DDB1: variants seen among roughly 807,000 people sequenced by gnomAD.
The protein encoded by DDB1 is DNA damage-binding protein 1.
A neutral mutation model predicts 133.1 loss-of-function variants in DDB1; 18 were observed. The ratio of observed to expected loss-of-function variants is 0.14; its 90% CI spans 0.09 to 0.20. The LOEUF (loss-of-function observed/expected upper bound fraction) is 0.20, where lower values mean the gene tolerates loss of function less well. Ranked by LOEUF, DDB1 falls within the 10% of genes least tolerant of loss-of-function variation. DDB1 has a pLI of 1.00. For synonymous variants in DDB1, 580 were observed against 550.5 expected (o/e 1.05, Z -0.75); for missense variants, 828 against 1,459.2 (o/e 0.57, Z 7.05).
intron 26 of DDB1, 121 bp from the exon 27 acceptor site, chr11:61,300,340 C>T (rs1192101863): frequency 1.9e-6 from 2 of 1,058,674 alleles, no homozygotes; most frequent in Non-Finnish European, 2.8e-6. Flanking sequence ...AGAGGAAGGA[C>T]TCACCAGAAA....
intron 18 of DDB1, 21 bp downstream of exon 18, chr11:61,311,761 CTT>C (rs765750573): frequency 1.9e-6 from 3 of 1,597,368 alleles, no homozygotes; most frequent in Non-Finnish European, 2.6e-6. Flanking sequence ...CTAAGGTCAT[CTT>C]TCTTTGTCCA....
In DDB1 at chr11:61,316,946, GATATATATATATATATATATATAT is replaced by G. The variant is rs58564398; in HGVS notation, c.1226-403_1226-380del. 9.4e-3 allele frequency among the ~76,000 whole-genome samples: 274 copies of G among 29,070 alleles called. 20 individuals carry two copies. The highest frequency in any genetic ancestry group is 0.05 in the Admixed American group (110 of 2,180). The allele number at this position is 29,070 out of a possible 152,430, so 19.1% of individuals were successfully genotyped here. A position where few individuals can be genotyped will look rare whatever the true frequency, so the allele number is the denominator to read the frequency against. On this transcript the variant is annotated intron_variant, in intron 10 of 26. Transcript: ENST00000301764. ...AAAAAAAAAAAAAAAAAAAAGGATA[GATATATATATATATATATATATAT>G]ATATATATATATATATATATATATA...
chr11:61,329,314 C>T (rs771141931), intron 4 of DDB1, 49 bp downstream of exon 4: 3 of 1,573,348 alleles, frequency 1.9e-6, no homozygotes, highest in Non-Finnish European at 2.6e-6. Context: ...AAAACAACTC[C>T]TATCACATCA....
At chr11:61,302,877 A>C (rs1855824307) in intron 23 of DDB1, 126 bp from the exon 24 acceptor site, 1 of 1,361,464 alleles carries the variant, frequency 7.3e-7, no homozygotes, top group South Asian at 1.3e-5. Context: ...ACAGTAGGGG[A>C]GCCAGTCTAA....
Position 61,304,014 on chromosome 11 carries a change from T to C in DDB1, c.2683A>G (p.Thr895Ala), listed in dbSNP as rs765613377. The change falls in exon 22 of 27, where the codon ACA becomes GCA. Residue 895 changes from threonine to alanine, a missense_variant. Physicochemically the swap from Thr to Ala is moderately conservative, Grantham distance 58 (BLOSUM62 0). Around this residue, in one of 7 missense-constraint regions of DDB1, gnomAD observed 36 missense variants for 139.9 expected, o/e 0.26. Transcript: ENST00000301764. ...NSTVRLYEWT[T>A]EKELRTECNH... ...CACTCAGTGCGCAGCTCCTTCTCTG[T>C]TGTCCACTCATAGAGCCGCACCTGG... 2.5e-6 allele frequency: 4 copies of C among 1,614,060 alleles called. No individual in the cohort carries two copies. Among genetic ancestry groups the C allele is most frequent in the South Asian group, 1.1e-5 (1 of 91,070 alleles).
chr11:61,328,106 G>A (rs559720677), intron 4 of DDB1, among the ~76,000 whole-genome samples: 38 of 152,178 alleles, frequency 2.5e-4, no homozygotes, highest in African/African-American at 8.7e-4. Flanking sequence ...AACCAGCCTT[G>A]AATAATCAAC....
chr11:61,322,243 G>C, intron 9 of DDB1, 53 bp downstream of exon 9: 1 of 1,381,792 alleles, frequency 7.2e-7, no homozygotes, highest in Non-Finnish European at 1.0e-6. Context: ...TAGCTAGGAG[G>C]ACACAGTTTG....
chr11:61,333,070 T>G lies in DDB1; in HGVS notation c.-102A>C. 2 of 1,101,582 alleles carry G rather than the reference T, an allele frequency of 1.8e-6. No individual in the cohort carries two copies. Among genetic ancestry groups the G allele is most frequent in the African/African-American group, 1.6e-5 (1 of 60,674 alleles). 68.2% of individuals were successfully genotyped at this position (1,101,582 alleles called of 1,614,324 possible). ...CCCAACAGCGCGCAGCGAACTCCAC[T>G]GCCGCTGCCTCCGCCCCAGAGACAC... On this transcript the variant is annotated 5_prime_UTR_variant, in exon 1 of 27. Transcript: ENST00000301764.
Position 61,309,786 on chromosome 11 carries a change from GC to G in DDB1, c.2566+9del. The G allele has an allele frequency of 1.2e-6, 2 of 1,607,766 alleles. No individual in the cohort carries two copies. Among genetic ancestry groups the G allele is most frequent in the Non-Finnish European group, 1.7e-6 (2 of 1,176,220 alleles). ...ACATCCCTCAGAAACTGGAGACTGC[GC>G]CCACTTACCATCCGAATACTGAAAG... On this transcript the variant is annotated intron_variant, in intron 20 of 26. Transcript: ENST00000301764.
At chr11:61,330,845 G>A (rs546743072) in intron 2 of DDB1, among the ~76,000 whole-genome samples, 1 of 152,168 alleles carries the variant, frequency 6.6e-6, no homozygotes, top group South Asian at 2.1e-4. Flanking sequence ...TAGTAGAGAT[G>A]GGGTTTCACC....
Position 61,316,969 on chromosome 11 carries a change from A to ACG in DDB1, c.1226-403_1226-402insCG, listed in dbSNP as rs1402669543. Reference sequence around the variant, plus strand: ...TAGATATATATATATATATATATATATATATATATATATATATATATATAT... The same window carrying ACG: ...TAGATATATATATATATATATATATACGTATATATATATATATATATATATAT... On this transcript the variant is annotated intron_variant, in intron 10 of 26. Transcript: ENST00000301764. 9.5e-5 allele frequency among the ~76,000 whole-genome samples: 5 copies of ACG among 52,680 alleles called. 1 individual carries two copies. Among genetic ancestry groups the ACG allele is most frequent in the African/African-American group, 2.8e-4 (5 of 18,002 alleles). The allele number at this position is 52,680 out of a possible 152,430, so 34.6% of individuals were successfully genotyped here.
intron 16 of DDB1, among the ~76,000 whole-genome samples, chr11:61,312,421 C>CG (rs1191358060): frequency 6.6e-6 from 1 of 152,014 alleles, no homozygotes; most frequent in Admixed American, 6.6e-5. Context: ...GTCTGCTGGG[C>CG]CCCCTCCCAG....
rs1320387549 is a variant in DDB1, at chr11:61,324,014, T to C, written c.886A>G (p.Thr296Ala). 6.2e-7 allele frequency: 1 copy of C among 1,613,186 alleles called. No homozygotes were observed. The highest frequency in any genetic ancestry group is 1.7e-5 in the Admixed American group (1 of 59,906). Residue 296 changes from threonine to alanine, a missense_variant, in exon 7 of 27, where the codon ACT (threonine) becomes GCT (alanine). Thr to Ala is a moderately conservative substitution (Grantham distance 58). Coordinates refer to ENST00000301764, the MANE Select transcript of DDB1 (RefSeq NM_001923.5). Reference protein sequence around the residue: ...EKEEQMDGTVTLKDLRVELLG... With the variant: ...EKEEQMDGTVALKDLRVELLG... ...AGTTCTACACGGAGATCCTTGAGAG[T>C]GACGGTGCCATCCATCTGTTCCTCC...
At position 61,331,438 on chromosome 11, in the gene DDB1, T is replaced by C. The variant is rs1181755217; in HGVS notation, c.210+105A>G. 3.4e-6 allele frequency: 5 copies of C among 1,467,958 alleles called. No individual in the cohort carries two copies. The East Asian group carries it at 7.2e-5, about 21-fold the overall frequency. 90.9% of individuals were successfully genotyped at this position (1,467,958 alleles called of 1,614,324 possible). On this transcript the variant is annotated intron_variant, in intron 2 of 26. Transcript: ENST00000301764. ...GTTCAAGACATCCTGGGCAACACTG[T>C]GAGACCCCCGTCTCAAAGAAAATAA...
chr11:61,331,609 C>G lies in DDB1; in HGVS notation c.144G>C (p.Gly48=). 1 of 1,614,190 alleles carries G rather than the reference C, an allele frequency of 6.2e-7. No individual in the cohort carries two copies. The highest frequency in any genetic ancestry group is 1.3e-5 in the African/African-American group (1 of 75,050). ...TGCCCACCTCTTTGACGGGCCGAAG[C>G]CCCTCGGCGGTGACCACATAGATCT... ...RLEIYVVTAE[G]LRPVKEVGMY... Residue 48 remains glycine, a synonymous_variant, in exon 2 of 27, where the codon GGG becomes GGC. Coordinates refer to ENST00000301764, the MANE Select transcript of DDB1 (RefSeq NM_001923.5).
rs781173172 is a variant in DDB1 at position 61,314,251 on chromosome 11, T to TCA, written c.1590-43_1590-42dup. 1.1e-5 allele frequency: 17 copies of TCA among 1,591,640 alleles called. No homozygotes were observed. The Admixed American group carries it at 2.5e-4, about 23-fold the overall frequency. ...TATGGCAGAGGAAGGAATCCAAGGC[T>TCA]CAAAGAAGTCCTAGAGAAAAGAGGA... On this transcript the variant is annotated intron_variant, in intron 13 of 26. Transcript: ENST00000301764.
chr11:61,302,849 G>A (rs1855823469), intron 23 of DDB1, 98 bp from the exon 24 acceptor site: 7 of 1,503,386 alleles, frequency 4.7e-6, no homozygotes, highest in Non-Finnish European at 6.4e-6. Flanking sequence ...CAATTTCCCT[G>A]GGGAGCTGAC....
At position 61,313,511 on chromosome 11, in the gene DDB1, C is replaced by A. The variant is rs1317706554; in HGVS notation, c.2057G>T (p.Gly686Val). The A allele has an allele frequency of 6.2e-7, 1 of 1,613,936 alleles. No homozygotes were observed. The highest frequency in any genetic ancestry group is 8.5e-7 in the Non-Finnish European group (1 of 1,179,904). ...AAAAGAGACTCACCTGTCAGGATAG[C>A]CATCTGAATTGAGGGGACACATGTA... ...VNYMCPLNSD[G>V]YPDSLALANN... Residue 686 changes from glycine to valine, a missense_variant, in exon 16 of 27, where the codon GGC becomes GTC. Gly to Val is a moderately radical substitution (Grantham distance 109). Transcript: ENST00000301764.
At chr11:61,302,530 G>A (rs1855815329) in intron 24 of DDB1, 52 bp downstream of exon 24, 2 of 1,607,874 alleles carry the variant, frequency 1.2e-6, no homozygotes, top group African/African-American at 2.7e-5. Flanking sequence ...TCAGAATGCT[G>A]GTATCAGGAA....
Sources: allele counts gnomAD v4.1 joint callset (sites outside exome capture counted in the v4.1 genomes callset), GRCh38; gene constraint gnomAD v4.1.1; regional missense constraint gnomAD v4.1.1; transcripts MANE v1.5; gene names NCBI Gene and HGNC (gene_info 2026-07-23, HGNC 2026-07-21).